The following RREB1 variants were observed in gnomAD, a reference collection of about 807,000 sequenced individuals.
RREB1 encodes ras-responsive element-binding protein 1.
In RREB1, 27 loss-of-function variants were observed where a neutral mutation model predicts 117.8. The ratio of observed to expected loss-of-function variants is 0.23; its 90% CI spans 0.17 to 0.32. RREB1 has a LOEUF of 0.32. Ranked by LOEUF, RREB1 falls within the 10% of genes least tolerant of loss-of-function variation. The pLI is 1.00. For missense variants in RREB1, 2,577 were observed against 2,378.2 expected, an observed-to-expected ratio of 1.08 and a Z score of -1.74; for synonymous variants, 1,298 against 1,026.7, an observed-to-expected ratio of 1.26 and a Z score of -5.05.
Position 7,246,833 on chromosome 6 carries a change from C to G in RREB1, c.4383C>G (p.Gly1461=). 6.4e-7 allele frequency: 1 copy of G among 1,553,248 alleles called. No homozygotes were observed. The highest frequency in any genetic ancestry group is 1.4e-5 in the African/African-American group (1 of 73,436). Residue 1461 remains glycine (G), a synonymous_variant, in exon 12 of 13, where the codon GGC becomes GGG. Transcript: ENST00000379938. ...DTCGKSFKFL[G]TLSRHRKAHG... ...GTGGGAAGAGCTTCAAGTTCCTGGG[C>G]ACCCTGAGCCGCCACCGGAAGGCGC...
intron 1 of RREB1, among the ~76,000 whole-genome samples, chr6:7,110,993 T>G (rs1481154246): frequency 2.0e-5 from 3 of 152,162 alleles, no homozygotes; most frequent in Admixed American, 6.5e-5. Context: ...AGTGCATCCA[T>G]TCCTAACTAG....
At chr6:7,129,015 C>A (rs1384214558) in intron 1 of RREB1, among the ~76,000 whole-genome samples, 1 of 152,186 alleles carries the variant, frequency 6.6e-6, no homozygotes, top group Non-Finnish European at 1.5e-5. Context: ...TTGAATACCT[C>A]CAGCTTCATC....
chr6:7,168,300 A>C (rs1441587537), intron 1 of RREB1, among the ~76,000 whole-genome samples: 20 of 149,556 alleles, frequency 1.3e-4, no homozygotes, highest in Non-Finnish European at 1.5e-5. Flanking sequence ...ATGTGCTTTT[A>C]AAGTTATGCT....
At chr6:7,160,980 G>A (rs544527772) in intron 1 of RREB1, among the ~76,000 whole-genome samples, 16 of 152,044 alleles carry the variant, frequency 1.1e-4, no homozygotes, top group Non-Finnish European at 1.2e-4. Context: ...CACTGCACCC[G>A]GCCCACATCT....
intron 1 of RREB1, among the ~76,000 whole-genome samples, chr6:7,118,357 G>T (rs1012442212): frequency 6.6e-6 from 1 of 152,188 alleles, no homozygotes; most frequent in Non-Finnish European, 1.5e-5. Flanking sequence ...CCAACCTCAT[G>T]TGATCTGCCC....
At chr6:7,193,043 T>C (rs993344745) in intron 6 of RREB1, among the ~76,000 whole-genome samples, 1 of 152,230 alleles carries the variant, frequency 6.6e-6, no homozygotes, top group Non-Finnish European at 1.5e-5. Flanking sequence ...CTTTGACCCA[T>C]TGGTTATTTA....
intron 4 of RREB1, 24 bp from the exon 5 acceptor site, chr6:7,187,410 T>C: frequency 7.0e-7 from 1 of 1,435,416 alleles, no homozygotes. Context: ...GAAATTTATC[T>C]TCCCTTTTAA....
intron 10 of RREB1, among the ~76,000 whole-genome samples, chr6:7,234,237 CT>C (rs1768170900): frequency 6.6e-6 from 1 of 152,122 alleles, no homozygotes; most frequent in Admixed American, 6.6e-5. Flanking sequence ...TTTTGCTACC[CT>C]TTTTTGGGTG....
intron 1 of RREB1, among the ~76,000 whole-genome samples, chr6:7,143,875 A>G (rs533083366): frequency 2.4e-5 from 2 of 85,088 alleles, no homozygotes; most frequent in Admixed American, 1.4e-4. Context: ...TTTTTTGCAT[A>G]GGCCAAATTT....
In RREB1 at chr6:7,231,057, C is replaced by A. The variant is rs61731494; in HGVS notation, c.2958C>A (p.Ser986Arg). ...CTCTTCCTGTAACTTTGGGGCCCAG[C>A]GGAATCCTGGAAAGCCCCATGGCCC... Reference protein sequence around the residue: ...GPSLPVTLGPSGILESPMAPA... With the variant: ...GPSLPVTLGPRGILESPMAPA... The change falls in exon 10 of 13, where the codon AGC becomes AGA. Residue 986 changes from serine to arginine, a missense_variant. By Grantham distance (110) the Ser-to-Arg change is moderately radical. Coordinates refer to ENST00000379938, the MANE Select transcript of RREB1 (RefSeq NM_001003699.4). The A allele has an allele frequency of 1.5e-5, 25 of 1,613,778 alleles. No individual in the cohort carries two copies. Among genetic ancestry groups the A allele is most frequent in the Middle Eastern group, 3.3e-4 (2 of 6,052 alleles).
chr6:7,242,703 G>C (rs573906187), intron 11 of RREB1, among the ~76,000 whole-genome samples: 113 of 151,178 alleles, frequency 7.5e-4, no homozygotes, highest in Admixed American at 1.2e-3. Context: ...AAAAAAAAGG[G>C]GGGGGGGGAA....
At chr6:7,161,333 C>T (rs978088162) in intron 1 of RREB1, among the ~76,000 whole-genome samples, 1 of 152,128 alleles carries the variant, frequency 6.6e-6, no homozygotes, top group Non-Finnish European at 1.5e-5. Context: ...CCACTAACTC[C>T]CCTCCCAAGC....
At chr6:7,136,181 T>C (rs1233288513) in intron 1 of RREB1, among the ~76,000 whole-genome samples, 1 of 152,230 alleles carries the variant, frequency 6.6e-6, no homozygotes, top group South Asian at 2.1e-4. Context: ...TAAAACAATT[T>C]TACAATTCTG....
intron 1 of RREB1, among the ~76,000 whole-genome samples, chr6:7,170,396 GC>G (rs1258188215): frequency 6.6e-6 from 1 of 152,124 alleles, no homozygotes; most frequent in African/African-American, 2.4e-5. Context: ...ACTCCTCACT[GC>G]CCAGGAGCAG....
intron 8 of RREB1, chr6:7,217,833 A>T (rs1046736378): frequency 1.3e-5 from 2 of 152,198 alleles, no homozygotes; most frequent in African/African-American, 4.8e-5. Context: ...GTGGCACTCT[A>T]TGGCTATCCC....
intron 1 of RREB1, among the ~76,000 whole-genome samples, chr6:7,120,980 CG>C (rs1761656534): frequency 6.6e-6 from 1 of 151,902 alleles, no homozygotes. Flanking sequence ...CCTGCCACTA[CG>C]CCTGGCTAAT....
chr6:7,202,719 A>C (rs913267211), intron 6 of RREB1, among the ~76,000 whole-genome samples: 2 of 152,174 alleles, frequency 1.3e-5, no homozygotes, highest in Non-Finnish European at 2.9e-5. Flanking sequence ...CCTGGGGAAG[A>C]AGAAGAGGCC....
intron 1 of RREB1, among the ~76,000 whole-genome samples, chr6:7,172,820 A>G (rs955711334): frequency 1.3e-5 from 2 of 152,170 alleles, no homozygotes; most frequent in East Asian, 3.9e-4. Flanking sequence ...CTCAGAGCAC[A>G]TGTGAGGTGG....
rs1340232040 is a variant in RREB1, at chr6:7,230,901, C to T, written c.2802C>T (p.Pro934=). Residue 934 remains proline, a synonymous_variant, in exon 10 of 13, where the codon CCC becomes CCT. Coordinates refer to ENST00000379938, the MANE Select transcript of RREB1 (RefSeq NM_001003699.4). ...TCCCCTATGACTGCTCCATGGAGCCCATCGACCTGTCCATCCCCAAGAACT... is the reference window on the plus strand; with the variant it reads ...TCCCCTATGACTGCTCCATGGAGCCTATCGACCTGTCCATCCCCAAGAACT... ...SLVPYDCSME[P]IDLSIPKNFR... is the part of the protein sequence containing the mutation. The T allele has an allele frequency of 1.2e-6, 2 of 1,614,122 alleles. No homozygotes were observed. Among genetic ancestry groups the T allele is most frequent in the Non-Finnish European group, 1.7e-6 (2 of 1,179,998 alleles).
Sources: allele counts gnomAD v4.1 joint callset (sites outside exome capture counted in the v4.1 genomes callset), GRCh38; gene constraint gnomAD v4.1.1; transcripts MANE v1.5; gene names NCBI Gene and HGNC (gene_info 2026-07-23, HGNC 2026-07-21).